FAM161A: variants seen among roughly 807,000 people sequenced by gnomAD.
The protein encoded by FAM161A is protein FAM161A.
FAM161A carries 57 observed loss-of-function variants against 70.9 expected under a neutral mutation model. The observed-to-expected ratio is 0.80, with a 90% confidence interval of 0.65 to 1.00. The LOEUF is 1.00. Ranked by LOEUF, FAM161A falls within the 50% of genes least tolerant of loss-of-function variation. The pLI is 0.00. For missense variants in FAM161A, 880 were observed against 836.0 expected, an observed-to-expected ratio of 1.05 and a Z score of -0.65; for synonymous variants, 299 against 295.7, an observed-to-expected ratio of 1.01 and a Z score of -0.12.
chr2:61,810,361 G>A, the FAM161A span, among the ~76,000 whole-genome samples: 3 of 151,502 alleles, frequency 2.0e-5, no homozygotes, highest in African/African-American at 7.3e-5. Context: ...GTCTCTCCAC[G>A]GAAAGAGAAA....
At chr2:61,815,710 C>G in the FAM161A span, among the ~76,000 whole-genome samples, 1 of 151,816 alleles carries the variant, frequency 6.6e-6, no homozygotes, top group Admixed American at 6.6e-5. Context: ...GCTACCATGC[C>G]CAGATAGTTT....
chr2:61,822,085 G>A (rs2105052292), downstream of FAM161A, among the ~76,000 whole-genome samples: 1 of 151,578 alleles, frequency 6.6e-6, no homozygotes, highest in Admixed American at 6.6e-5. Flanking sequence ...TGGAATCTGT[G>A]ACCCTGATTA....
chr2:61,808,278 T>TA, the FAM161A span, among the ~76,000 whole-genome samples: 9 of 147,852 alleles, frequency 6.1e-5, no homozygotes, highest in East Asian at 2.0e-4. Flanking sequence ...ATTATTATTT[T>TA]TTTTTTTTTT....
At chr2:61,823,360 ATCATATATATATAT>A (rs1672249113), downstream of FAM161A, among the ~76,000 whole-genome samples, 2 of 12,044 alleles carry the variant, frequency 1.7e-4, no homozygotes, top group Non-Finnish European at 3.4e-4. Context: ...TAAATTTTCC[ATCATATATATATAT>A]ATATATATAT....
At chr2:61,829,841 G>C (rs1672503284) in intron 5 of FAM161A, among the ~76,000 whole-genome samples, 1 of 152,136 alleles carries the variant, frequency 6.6e-6, no homozygotes, top group South Asian at 2.1e-4. Flanking sequence ...TTGTGTTAGG[G>C]AATCACTCAG....
Position 61,840,345 on chromosome 2 carries a change from T to C in FAM161A, c.659A>G (p.His220Arg), listed in dbSNP as rs1672971609. ...TTTCTTCCTTCTTTTTTCAGCTGCA[T>C]GGAAGCCAGTATCTTTACAGCGAAT... is the stretch of plus-strand genomic sequence containing the variant. ...DYIRCKDTGFHAAEKRRKKRK... is the reference protein window; with the variant it reads ...DYIRCKDTGFRAAEKRRKKRK... Residue 220 changes from histidine to arginine, a missense_variant, in exon 3 of 7, where the codon CAT becomes CGT. By Grantham distance (29) the His-to-Arg change is conservative. Transcript: ENST00000404929. 2.5e-6 allele frequency: 4 copies of C among 1,614,142 alleles called. No individual in the cohort carries two copies. Among genetic ancestry groups the C allele is most frequent in the Middle Eastern group, 1.6e-4 (1 of 6,062 alleles).
the FAM161A span, among the ~76,000 whole-genome samples, chr2:61,814,097 CAG>C: frequency 1.1e-3 from 173 of 152,254 alleles, no homozygotes; most frequent in African/African-American, 3.9e-3. Context: ...CAGACTCAGT[CAG>C]GGGGCAAAGG....
At chr2:61,811,190 C>T in the FAM161A span, among the ~76,000 whole-genome samples, 1 of 152,022 alleles carries the variant, frequency 6.6e-6, no homozygotes. Context: ...TGGATTATTG[C>T]AACCATCTAT....
the FAM161A span, among the ~76,000 whole-genome samples, chr2:61,802,774 T>TACGG: frequency 5.3e-5 from 8 of 152,318 alleles, no homozygotes; most frequent in East Asian, 1.5e-3. Flanking sequence ...CTATAGTTGC[T>TACGG]ACGGGTACAG....
intron 2 of FAM161A, 26 bp from the exon 3 acceptor site, chr2:61,840,607 T>C: frequency 6.8e-7 from 1 of 1,481,398 alleles, no homozygotes; most frequent in Non-Finnish European, 9.4e-7. Flanking sequence ...AACTATGTTA[T>C]ACTTTCAGTT....
intron 1 of FAM161A, among the ~76,000 whole-genome samples, chr2:61,850,181 G>C (rs570845597): frequency 6.6e-5 from 10 of 152,274 alleles, no homozygotes; most frequent in Admixed American, 4.6e-4. Flanking sequence ...CGGATCACCT[G>C]AGGTCAGGAG....
intron 5 of FAM161A, chr2:61,835,468 T>TA (rs200941337): frequency 4.7e-4 from 70 of 148,460 alleles, no homozygotes; most frequent in East Asian, 7.9e-4. Context: ...CAGACTCACT[T>TA]AAAAAAAAAA....
At chr2:61,800,873 A>T in the FAM161A span, among the ~76,000 whole-genome samples, 1,687 of 152,206 alleles carry the variant, frequency 0.011, 43 homozygotes, top group African/African-American at 0.039. Flanking sequence ...GCGCAATCTC[A>T]GCTCACTGCA....
At chr2:61,847,100 T>G in intron 1 of FAM161A, 1 of 335,836 alleles carries the variant, frequency 3.0e-6, no homozygotes, top group Admixed American at 3.8e-5. Context: ...AGGCAGAGGT[T>G]GCAGTGAACC....
chr2:61,807,314 G>C, the FAM161A span, among the ~76,000 whole-genome samples: 1 of 151,382 alleles, frequency 6.6e-6, no homozygotes, highest in Non-Finnish European at 1.5e-5. Flanking sequence ...AAAAAACCTA[G>C]AAAAAGAATA....
the FAM161A span, among the ~76,000 whole-genome samples, chr2:61,810,990 A>G: frequency 2.0e-5 from 3 of 152,116 alleles, no homozygotes; most frequent in Non-Finnish European, 2.9e-5. Flanking sequence ...TTCTTCCCCA[A>G]TTCAGTAAGT....
Position 61,839,607 on chromosome 2 carries a change from G to A in FAM161A, c.1397C>T (p.Ser466Phe), listed in dbSNP as rs1321355694. 1.2e-6 allele frequency: 2 copies of A among 1,614,028 alleles called. No homozygotes were observed. The highest frequency in any genetic ancestry group is 1.7e-5 in the Admixed American group (1 of 59,986). The change falls in exon 3 of 7, where the codon TCT becomes TTT. Residue 466 changes from serine (S) to phenylalanine (F), a missense_variant. Transcript: ENST00000404929. ...TGCCAAAATTTTTTCTCTTTTAATA[G>A]ATGCATGTGGAGATGCATGAAGATC... ...PFDLHASPHA[S>F]IKREKILADI... is the part of the protein sequence containing the mutation.
chr2:61,809,563 C>G, the FAM161A span, among the ~76,000 whole-genome samples: 1 of 152,146 alleles, frequency 6.6e-6, no homozygotes, highest in Non-Finnish European at 1.5e-5. Context: ...TTGGATTCCC[C>G]CAAAGGCAGA....
rs750948255 is a variant in FAM161A at position 61,836,099 on chromosome 2, T to C, written c.1762A>G (p.Lys588Glu). ...SRVKCLRKSE[K>E]ERMREYQREL... Reference sequence around the variant, plus strand: ...CGTTGGTATTCTCTCATCCTTTCCTTTTCGCTCTTTCTAAAATTAAAGAAA... The same window carrying C: ...CGTTGGTATTCTCTCATCCTTTCCTCTTCGCTCTTTCTAAAATTAAAGAAA... Residue 588 changes from lysine (K) to glutamate (E), a missense_variant, in exon 5 of 7, where the codon AAG (lysine) becomes GAG (glutamate). Physicochemically the swap from Lys to Glu is moderately conservative, Grantham distance 56. Transcript: ENST00000404929. The C allele has an allele frequency of 6.2e-7, 1 of 1,606,836 alleles. No individual in the cohort carries two copies. The highest frequency in any genetic ancestry group is 8.5e-7 in the Non-Finnish European group (1 of 1,176,120).
Sources: gnomAD v4.1 joint callset for allele counts (sites outside exome capture counted in the v4.1 genomes callset) on GRCh38, gnomAD v4.1.1 for gene constraint, MANE v1.5 for transcripts, NCBI Gene and HGNC (gene_info 2026-07-23, HGNC 2026-07-21) for gene names.